Variants in ZMYM5 observed in about 807,000 individuals in gnomAD.
The protein encoded by ZMYM5 is zinc finger MYM-type containing 5, also known as zinc finger MYM-type protein 5.
Under a neutral mutation model 61.8 loss-of-function variants are expected in ZMYM5, and 41 were observed. The observed-to-expected ratio is 0.66, with a 90% confidence interval of 0.52 to 0.86. The LOEUF (loss-of-function observed/expected upper bound fraction) is 0.86. ZMYM5 is among the 40% of genes least tolerant of loss of function. ZMYM5 has a pLI of 0.00. For missense variants in ZMYM5, 706 were observed against 786.7 expected (o/e 0.90, Z 1.23); for synonymous variants, 257 against 276.4 (o/e 0.93, Z 0.70).
At position 19,835,535 on chromosome 13, in the gene ZMYM5, A is replaced by T; in HGVS notation, c.1193T>A (p.Val398Glu). The part of the protein sequence containing the change: ...PSKSTGNNIL[V>E]IGGQQKRFCC... ...AAATCTCTTCTGCTGACCTCCAATC[A>T]CCAGGATGTTGTTTCCAGTACTCTT... Residue 398 changes from valine to glutamate, a missense_variant, in exon 7 of 8, where the codon GTG becomes GAG. Coordinates refer to ENST00000337963, the MANE Select transcript of ZMYM5 (RefSeq NM_001142684.2). 1 of 1,367,608 alleles carries T rather than the reference A, an allele frequency of 7.3e-7. No homozygotes were observed. Among genetic ancestry groups the T allele is most frequent in the Non-Finnish European group, 9.8e-7 (1 of 1,021,846 alleles). The allele number at this position is 1,367,608 out of a possible 1,614,324, so 84.7% of individuals were successfully genotyped here.
At chr13:19,837,852 A>G (rs775231796) in intron 5 of ZMYM5, 31 bp from the exon 6 acceptor site, 1 of 1,563,004 alleles carries the variant, frequency 6.4e-7, no homozygotes, top group Admixed American at 2.3e-5. Context: ...ACATAATTTA[A>G]GAACACTGAA....
At chr13:19,857,111 G>GAAAACA (rs1226414303) in intron 2 of ZMYM5, among the ~76,000 whole-genome samples, 4 of 152,086 alleles carry the variant, frequency 2.6e-5, no homozygotes, top group Non-Finnish European at 5.9e-5. Flanking sequence ...GTCTCAAAAC[G>GAAAACA]AAAACAAAAA....
chr13:19,851,721 C>G lies in ZMYM5; in HGVS notation c.460G>C (p.Asp154His). ...CTTGAAAGACTGGAAGTGGAGAAAT[C>G]CAAATCGTTGGTTTTGTTTTTAGTT... Reference protein sequence around the residue: ...PGTKNKTNDLDFSTSSLSRSK... With the variant: ...PGTKNKTNDLHFSTSSLSRSK... Residue 154 changes from aspartate to histidine, a missense_variant, in exon 3 of 8, where the codon GAT (aspartate) becomes CAT (histidine). Asp to His is a moderately conservative substitution (Grantham distance 81, BLOSUM62 -1). Coordinates refer to ENST00000337963, the MANE Select transcript of ZMYM5 (RefSeq NM_001142684.2). The G allele has an allele frequency of 1.3e-6, 2 of 1,581,216 alleles. No homozygotes were observed. The highest frequency in any genetic ancestry group is 1.2e-5 in the South Asian group (1 of 84,008).
chr13:19,835,435 T>C (rs1952644827), intron 7 of ZMYM5, 42 bp downstream of exon 7: 1 of 1,258,094 alleles, frequency 7.9e-7, no homozygotes, highest in Non-Finnish European at 1.1e-6. Flanking sequence ...AGGGTGAAGC[T>C]ACTATATATT....
At chr13:19,855,654 AT>A (rs1593915526) in intron 2 of ZMYM5, among the ~76,000 whole-genome samples, 1 of 152,080 alleles carries the variant, frequency 6.6e-6, no homozygotes, top group African/African-American at 2.4e-5. Flanking sequence ...CACTGCAGTC[AT>A]CTACCTTTAA....
At chr13:19,831,787 C>CA (rs1190448216) in intron 7 of ZMYM5, among the ~76,000 whole-genome samples, 28,235 of 36,678 alleles carry the variant, frequency 0.77, 12,656 homozygotes, top group East Asian at 0.94. Flanking sequence ...GACTCTGTCT[C>CA]AAAAAAAAAA....
chr13:19,853,616 CTT>C (rs1183645892), intron 2 of ZMYM5, among the ~76,000 whole-genome samples: 7 of 142,514 alleles, frequency 4.9e-5, no homozygotes, highest in Non-Finnish European at 7.7e-5. Flanking sequence ...TTTTTTCTTT[CTT>C]TTTTTTTTTT....
intron 4 of ZMYM5, among the ~76,000 whole-genome samples, chr13:19,849,182 C>T (rs9579713): frequency 0.098 from 14,972 of 152,042 alleles, 872 homozygotes; most frequent in African/African-American, 0.16. Context: ...TGGAGTGCAG[C>T]GGTAGGATTA....
chr13:19,839,083 G>A (rs1352136982), intron 4 of ZMYM5, 98 bp from the exon 5 acceptor site: 5 of 1,444,456 alleles, frequency 3.5e-6, no homozygotes, highest in Non-Finnish European at 4.7e-6. Context: ...GACAAGTGGG[G>A]CAGGCGTATA....
At chr13:19,844,412 C>T (rs1953003870) in intron 4 of ZMYM5, among the ~76,000 whole-genome samples, 1 of 152,120 alleles carries the variant, frequency 6.6e-6, no homozygotes, top group Non-Finnish European at 1.5e-5. Flanking sequence ...CTAGAGATTG[C>T]AAGAGTTCTA....
chr13:19,824,834 T>C lies in ZMYM5; in HGVS notation c.1653A>G (p.Pro551=), dbSNP rs927589343. The change falls in exon 8 of 8, where the codon CCA becomes CCG. Residue 551 remains proline, a synonymous_variant. Transcript: ENST00000337963. ...VPPQVRNFNF[P]KDNTGRKFSE... ...AAAACTTCCTCCCTGTATTATCTTT[T>C]GGAAAGTTAAAATTTCTTACTTGAG... The C allele has an allele frequency of 2.2e-6, 3 of 1,351,794 alleles. No individual in the cohort carries two copies. Among genetic ancestry groups the C allele is most frequent in the Non-Finnish European group, 3.0e-6 (3 of 1,012,838 alleles). The allele number at this position is 1,351,794 out of a possible 1,614,324, so 83.7% of individuals were successfully genotyped here. A position where few individuals can be genotyped will look rare whatever the true frequency, so the allele number is the denominator to read the frequency against.
At chr13:19,831,935 A>C (rs1891246942) in intron 7 of ZMYM5, among the ~76,000 whole-genome samples, 1 of 150,864 alleles carries the variant, frequency 6.6e-6, no homozygotes, top group Admixed American at 6.6e-5. Context: ...GGCTCACTGC[A>C]ACCTCCGCCT....
chr13:19,857,227 T>TA (rs1953549070), intron 2 of ZMYM5, among the ~76,000 whole-genome samples: 1 of 152,264 alleles, frequency 6.6e-6, no homozygotes, highest in Non-Finnish European at 1.5e-5. Context: ...TTTAAACATT[T>TA]AACTAGTCTT....
intron 2 of ZMYM5, among the ~76,000 whole-genome samples, chr13:19,860,645 C>T (rs1477037748): frequency 1.3e-5 from 2 of 151,522 alleles, no homozygotes; most frequent in Admixed American, 6.6e-5. Flanking sequence ...ACCATGTTGA[C>T]CAGGCTAGTC....
chr13:19,859,132 CA>C (rs1266641105), intron 2 of ZMYM5, among the ~76,000 whole-genome samples: 29 of 146,198 alleles, frequency 2.0e-4, no homozygotes, highest in East Asian at 4.0e-4. Flanking sequence ...AACTCCATCT[CA>C]AAAAAAAAAA....
chr13:19,853,936 C>T (rs1177006897), intron 2 of ZMYM5, among the ~76,000 whole-genome samples: 3 of 152,068 alleles, frequency 2.0e-5, no homozygotes, highest in Non-Finnish European at 2.9e-5. Flanking sequence ...GGGAATTTTA[C>T]AGGTGTTGAA....
chr13:19,825,367 G>A (rs971435524), intron 7 of ZMYM5, 132 bp from the exon 8 acceptor site: 37 of 879,012 alleles, frequency 4.2e-5, no homozygotes, highest in African/African-American at 2.7e-4. Flanking sequence ...GACGACGGTC[G>A]GGTGCGGTGG....
intron 2 of ZMYM5, among the ~76,000 whole-genome samples, chr13:19,856,312 G>A (rs1953507909): frequency 6.6e-6 from 1 of 152,018 alleles, no homozygotes. Flanking sequence ...GCAAATCCCT[G>A]GCATATGGCC....
intron 4 of ZMYM5, among the ~76,000 whole-genome samples, chr13:19,850,125 A>G (rs995961089): frequency 1.9e-4 from 29 of 151,964 alleles, no homozygotes; most frequent in African/African-American, 6.5e-4. Context: ...TCTCCCCCAA[A>G]CCCCTCACAA....
Sources: gnomAD v4.1 joint callset for allele counts (sites outside exome capture counted in the v4.1 genomes callset) on GRCh38, gnomAD v4.1.1 for gene constraint, MANE v1.5 for transcripts, NCBI Gene and HGNC (gene_info 2026-07-23, HGNC 2026-07-21) for gene names.